CHD6: variants seen among roughly 807,000 people sequenced by gnomAD.
CHD6 encodes the protein chromodomain helicase DNA binding protein 6, also known as ATP-dependent chromatin remodeler CHD6.
In CHD6, 50 loss-of-function variants were observed where a neutral mutation model predicts 276.9. The ratio of observed to expected loss-of-function variants is 0.18; its 90% CI spans 0.14 to 0.23. The LOEUF (loss-of-function observed/expected upper bound fraction) is 0.23, where lower values mean the gene tolerates loss of function less well. CHD6 is among the 10% of genes least tolerant of loss of function. The pLI, the probability that CHD6 is intolerant of heterozygous loss-of-function variation, is 1.00. For missense variants in CHD6, 2,564 were observed against 3,365.8 expected (o/e 0.76, Z 5.89); for synonymous variants, 1,173 against 1,229.3 (o/e 0.95, Z 0.96).
At position 41,416,717 on chromosome 20, in the gene CHD6, A is replaced by G. The variant is rs1468093224; in HGVS notation, c.6357T>C (p.Tyr2119=). ...GGGTGGGCAGTGTGCCTGAGGGCTCATACTGCTGGCTAGAGGGCCACTTCC... is the reference window on the plus strand; with the variant it reads ...GGGTGGGCAGTGTGCCTGAGGGCTCGTACTGCTGGCTAGAGGGCCACTTCC... ...LKGKWPSSQQ[Y]EPSGTLPTPV... The change falls in exon 33 of 37, where the codon TAT becomes TAC. Residue 2119 remains tyrosine, a synonymous_variant. Transcript: ENST00000373233. 2.5e-6 allele frequency: 4 copies of G among 1,613,732 alleles called. No individual in the cohort carries two copies. Among genetic ancestry groups the G allele is most frequent in the Non-Finnish European group, 3.4e-6 (4 of 1,179,858 alleles).
chr20:41,491,647 G>A, intron 11 of CHD6, 51 bp downstream of exon 11: 1 of 1,610,656 alleles, frequency 6.2e-7, no homozygotes, highest in Non-Finnish European at 8.5e-7. Flanking sequence ...CCAGGCTAAG[G>A]CAATAATATA....
intron 17 of CHD6, among the ~76,000 whole-genome samples, chr20:41,471,911 C>T (rs1298585871): frequency 2.0e-5 from 3 of 152,104 alleles, no homozygotes; most frequent in African/African-American, 7.2e-5. Context: ...TTTCTTCAAA[C>T]ACAAGTTTAT....
chr20:41,421,149 A>G lies in CHD6; in HGVS notation c.5486T>C (p.Leu1829Pro). 6.2e-7 allele frequency: 1 copy of G among 1,614,064 alleles called. No homozygotes were observed. Among genetic ancestry groups the G allele is most frequent in the African/African-American group, 1.3e-5 (1 of 75,048 alleles). ...NESGFVDMCS[L>P]SVCDSKRNLS... ...GTTTCTTTTGGAGTCACAGACACTA[A>G]GACTGCACATATCTACAAACCCACT... Residue 1829 changes from leucine to proline, a missense_variant, in exon 31 of 37, where the codon CTT becomes CCT. Leu to Pro is a moderately conservative substitution (Grantham distance 98). Transcript: ENST00000373233.
At chr20:41,616,696 T>C (rs758346179) in intron 1 of CHD6, among the ~76,000 whole-genome samples, 18 of 152,240 alleles carry the variant, frequency 1.2e-4, no homozygotes, top group African/African-American at 4.3e-4. Flanking sequence ...GCATTGCTTA[T>C]ATGAAACCAC....
In CHD6 at chr20:41,455,947, G is replaced by A. The variant is rs745389937; in HGVS notation, c.2862C>T (p.Asp954=). 6.3e-7 allele frequency: 1 copy of A among 1,589,152 alleles called. No individual in the cohort carries two copies. Among genetic ancestry groups the A allele is most frequent in the Non-Finnish European group, 8.6e-7 (1 of 1,169,240 alleles). ...CTCCATAAGCACCTTTCCGGAGTAG[G>A]TCCTCCACCTCCATTTTTGAGAGCT... ...VQQLSKMEVE[D]LLRKGAYGAL... Residue 954 remains aspartate (D), a synonymous_variant, in exon 19 of 37, where the codon GAC becomes GAT. Transcript: ENST00000373233.
At position 41,568,893 on chromosome 20, in the gene CHD6, T is replaced by C. The variant is rs554470980; in HGVS notation, c.-23-17533A>G. Reference sequence around the variant, plus strand: ...TTCAACTCTGGCACCTCCTGCACTTTCCTTAGGGTCTGAGAATTTTTGTTT... The same window carrying C: ...TTCAACTCTGGCACCTCCTGCACTTCCCTTAGGGTCTGAGAATTTTTGTTT... On this transcript the variant is annotated intron_variant, in intron 1 of 36. Transcript: ENST00000373233. Among the ~76,000 whole-genome samples the C allele has an allele frequency of 9.2e-5, 14 of 152,318 alleles. 3 individuals carry two copies. Among genetic ancestry groups the C allele is most frequent in the African/African-American group, 3.4e-4 (14 of 41,564 alleles).
chr20:41,476,552 A>G (rs2043171666), intron 16 of CHD6, among the ~76,000 whole-genome samples: 1 of 152,228 alleles, frequency 6.6e-6, no homozygotes, highest in African/African-American at 2.4e-5. Flanking sequence ...AACCATTCAC[A>G]ACAGTTACAA....
At chr20:41,611,603 G>C (rs564886130) in intron 1 of CHD6, among the ~76,000 whole-genome samples, 1 of 152,136 alleles carries the variant, frequency 6.6e-6, no homozygotes, top group South Asian at 2.1e-4. Context: ...CAGTAGGTCT[G>C]GAATGGGGCC....
intron 27 of CHD6, 57 bp from the exon 28 acceptor site, chr20:41,426,210 C>T (rs1600830140): frequency 8.1e-7 from 1 of 1,238,734 alleles, no homozygotes; most frequent in East Asian, 2.3e-5. Flanking sequence ...GAAACCAGCT[C>T]AGAAAGTCTT....
intron 2 of CHD6, among the ~76,000 whole-genome samples, chr20:41,541,342 C>T (rs907359696): frequency 1.3e-5 from 2 of 152,146 alleles, no homozygotes; most frequent in African/African-American, 4.8e-5. Flanking sequence ...ACTGAGGAGT[C>T]CTGTGCTTTA....
chr20:41,601,462 T>C (rs1187029400), intron 1 of CHD6, among the ~76,000 whole-genome samples: 1 of 152,128 alleles, frequency 6.6e-6, no homozygotes, highest in Non-Finnish European at 1.5e-5. Flanking sequence ...TCTAGGACAG[T>C]GTTATTTTTA....
Position 41,421,903 on chromosome 20 carries a change from C to A in CHD6, c.4732G>T (p.Gly1578Trp). 6.2e-7 allele frequency: 1 copy of A among 1,614,218 alleles called. No individual in the cohort carries two copies. Among genetic ancestry groups the A allele is most frequent in the Non-Finnish European group, 8.5e-7 (1 of 1,180,036 alleles). The change falls in exon 31 of 37, where the codon GGG becomes TGG. Residue 1578 changes from glycine to tryptophan, a missense_variant. Gly to Trp is a radical substitution (Grantham distance 184). Around this residue, in one of 7 missense-constraint regions of CHD6, gnomAD observed 515 missense variants for 739.5 expected, o/e 0.70. Coordinates refer to ENST00000373233, the MANE Select transcript of CHD6 (RefSeq NM_032221.5). ...SLYLPVWWEC[G>W]KHDRDLLIGT... The stretch of plus-strand genomic sequence containing the variant: ...ATGAGCAGGTCTCGATCATGCTTCC[C>A]ACACTCCCACCAGACTGGGAGGTAG...
At chr20:41,537,676 C>T (rs1342848290) in intron 2 of CHD6, among the ~76,000 whole-genome samples, 3 of 152,068 alleles carry the variant, frequency 2.0e-5, no homozygotes, top group Admixed American at 6.5e-5. Flanking sequence ...AAGGCCACAA[C>T]GAGATACTAT....
At chr20:41,507,120 C>G (rs189960973) in intron 5 of CHD6, among the ~76,000 whole-genome samples, 1 of 152,296 alleles carries the variant, frequency 6.6e-6, no homozygotes, top group South Asian at 2.1e-4. Flanking sequence ...TGTACATACA[C>G]TCAAAGGAAC....
chr20:41,451,948 C>T lies in CHD6; in HGVS notation c.3401G>A (p.Cys1134Tyr). The change falls in exon 22 of 37, where the codon TGC becomes TAC. Residue 1134 changes from cysteine (C) to tyrosine (Y), a missense_variant. This residue lies in a region of CHD6 where 515 missense variants were observed against 739.5 expected (regional missense o/e 0.70). Transcript: ENST00000373233. ...GACACAGTACACCAGGAGGGCACGG[C>T]AAATCATCTCCATGTCCTTCTCGTT... ...HLNEKDMEMI[C>Y]RALLVYCVKH... The T allele has an allele frequency of 6.2e-7, 1 of 1,614,060 alleles. No individual in the cohort carries two copies. The highest frequency in any genetic ancestry group is 8.5e-7 in the Non-Finnish European group (1 of 1,179,954).
chr20:41,500,785 T>C (rs1423095918), intron 5 of CHD6, among the ~76,000 whole-genome samples: 1 of 151,956 alleles, frequency 6.6e-6, no homozygotes, highest in Non-Finnish European at 1.5e-5. Flanking sequence ...AAATGCATAA[T>C]CAATAGGTAT....
intron 23 of CHD6, among the ~76,000 whole-genome samples, chr20:41,449,644 A>T (rs1474473452): frequency 6.6e-6 from 1 of 152,202 alleles, no homozygotes; most frequent in Non-Finnish European, 1.5e-5. Context: ...GCCAAAGAAA[A>T]CAATCCATTA....
chr20:41,516,550 A>G (rs56226830), intron 3 of CHD6, among the ~76,000 whole-genome samples: 1 of 152,096 alleles, frequency 6.6e-6, no homozygotes, highest in East Asian at 1.9e-4. Context: ...TTCCAGGGCA[A>G]CAGGGTTAGT....
intron 18 of CHD6, 137 bp downstream of exon 18, chr20:41,457,127 G>A: frequency 1.0e-6 from 1 of 968,860 alleles, no homozygotes; most frequent in Non-Finnish European, 1.5e-6. Flanking sequence ...CCCTGTTGTA[G>A]GGAATTACCC....
Sources: allele counts gnomAD v4.1 joint callset (sites outside exome capture counted in the v4.1 genomes callset), GRCh38; gene constraint gnomAD v4.1.1; regional missense constraint gnomAD v4.1.1; transcripts MANE v1.5; gene names NCBI Gene and HGNC (gene_info 2026-07-23, HGNC 2026-07-21).